Variants in MVB12B observed in about 807,000 individuals in gnomAD.
The protein encoded by MVB12B is ESCRT-I complex subunit MVB12B.
In MVB12B, 16 loss-of-function variants were observed where a neutral mutation model predicts 41.6. The ratio of observed to expected loss-of-function variants is 0.38; its 90% confidence interval spans 0.26 to 0.58. MVB12B has a LOEUF of 0.58. Among genes scored for constraint, MVB12B ranks in the 20% least tolerant of loss-of-function variants. MVB12B has a pLI of 0.62. For synonymous variants in MVB12B, 133 were observed against 139.7 expected (o/e 0.95, Z 0.34); for missense variants, 274 against 380.2 (o/e 0.72, Z 2.32).
At chr9:126,412,216 C>G (rs917006787) in intron 6 of MVB12B, among the ~76,000 whole-genome samples, 10 of 152,154 alleles carry the variant, frequency 6.6e-5, no homozygotes, top group African/African-American at 2.4e-4. Flanking sequence ...TTTATAAGAG[C>G]CTTTTTCTTC....
In MVB12B at chr9:126,459,268, C is replaced by A. The variant is rs890470445; in HGVS notation, c.758-22101C>A. Among the ~76,000 whole-genome samples the A allele has an allele frequency of 2.6e-5, 4 of 152,210 alleles. No individual in the cohort carries two copies. The highest frequency in any genetic ancestry group is 4.4e-5 in the Non-Finnish European group (3 of 68,038). On this transcript the variant is annotated intron_variant, in intron 7 of 9. Coordinates refer to ENST00000361171, the MANE Select transcript of MVB12B (RefSeq NM_033446.3). The surrounding 1 kb of genome is among the most constrained non-coding windows in gnomAD (Gnocchi z 4.3). ...CTGAGTGGTGCCAGTGCAGGCCTCC[C>A]CTTGACTGACACATGGCTCCCTTGC...
chr9:126,502,134 C>A (rs1488160029), intron 9 of MVB12B, among the ~76,000 whole-genome samples: 1 of 152,156 alleles, frequency 6.6e-6, no homozygotes, highest in African/African-American at 2.4e-5. Context: ...TGCTTGAAAA[C>A]CACTGATCTA....
intron 2 of MVB12B, among the ~76,000 whole-genome samples, chr9:126,372,280 A>C (rs1830362794): frequency 6.6e-6 from 1 of 152,210 alleles, no homozygotes; most frequent in African/African-American, 2.4e-5. Flanking sequence ...TCAGTTGATG[A>C]ATGTTTGGAT....
chr9:126,378,776 G>C (rs73668003), intron 2 of MVB12B, among the ~76,000 whole-genome samples: 1 of 151,982 alleles, frequency 6.6e-6, no homozygotes, highest in Admixed American at 6.6e-5. Context: ...TTAATGCTTC[G>C]CAGACAAGGA....
At chr9:126,441,574 A>G (rs2119139545) in intron 7 of MVB12B, among the ~76,000 whole-genome samples, 1 of 152,362 alleles carries the variant, frequency 6.6e-6, no homozygotes, top group African/African-American at 2.4e-5. Flanking sequence ...TTCTTAACCG[A>G]TAAGAAGCCA....
chr9:126,338,425 C>T (rs1020010665), intron 1 of MVB12B, among the ~76,000 whole-genome samples: 10 of 152,364 alleles, frequency 6.6e-5, no homozygotes, highest in African/African-American at 2.4e-4. Context: ...CATCATCGTA[C>T]CGGGGAGGAT....
intron 2 of MVB12B, among the ~76,000 whole-genome samples, chr9:126,354,555 AG>A (rs1829831569): frequency 6.6e-6 from 1 of 152,254 alleles, no homozygotes; most frequent in Non-Finnish European, 1.5e-5. Flanking sequence ...TACCACTGTA[AG>A]CGAGTGATCC....
intron 7 of MVB12B, among the ~76,000 whole-genome samples, chr9:126,454,417 T>G (rs76454096): frequency 3.5e-4 from 54 of 152,368 alleles, no homozygotes; most frequent in Admixed American, 3.1e-3. Flanking sequence ...TTGATTTTTT[T>G]GTTAATGGGA....
chr9:126,487,119 G>T (rs1486149676), intron 9 of MVB12B, among the ~76,000 whole-genome samples: 47 of 152,208 alleles, frequency 3.1e-4, no homozygotes, highest in Admixed American at 3.1e-3. Context: ...CGGAGTCAGT[G>T]CCTGGCTAGA....
Position 126,409,480 on chromosome 9 carries a change from T to TGGG in MVB12B, c.663-12374_663-12373insGGG, listed in dbSNP as rs372716929. ...TGCAGGATTTGTCATGAGAATTAAA[T>TGGG]TGGGGGGGGACACAGAAAGCACCAC... On this transcript the variant is annotated intron_variant, in intron 6 of 9. Coordinates refer to ENST00000361171, the MANE Select transcript of MVB12B (RefSeq NM_033446.3). Among the ~76,000 whole-genome samples, 101 of 30,862 alleles carry TGGG rather than the reference T, an allele frequency of 3.3e-3. 1 individual carries two copies. Among genetic ancestry groups the TGGG allele is most frequent in the Middle Eastern group, 0.031 (2 of 64 alleles). The allele number at this position is 30,862 out of a possible 152,430, so 20.2% of individuals were successfully genotyped here.
intron 6 of MVB12B, among the ~76,000 whole-genome samples, chr9:126,402,047 A>G (rs1210621105): frequency 6.6e-6 from 1 of 152,162 alleles, no homozygotes; most frequent in Non-Finnish European, 1.5e-5. Context: ...GTGTTTACCT[A>G]CCTGTTCAGA....
chr9:126,499,518 C>T (rs958105700), intron 9 of MVB12B, among the ~76,000 whole-genome samples: 1 of 152,152 alleles, frequency 6.6e-6, no homozygotes, highest in African/African-American at 2.4e-5. Context: ...TAAACAGATC[C>T]GGGTCCAAAT....
chr9:126,456,845 C>G (rs1472175631), intron 7 of MVB12B, among the ~76,000 whole-genome samples: 2 of 130,286 alleles, frequency 1.5e-5, no homozygotes, highest in Non-Finnish European at 3.2e-5. Context: ...CTGATAGCGC[C>G]CCTGTTTAAC....
chr9:126,372,869 A>G (rs537286501), intron 2 of MVB12B, among the ~76,000 whole-genome samples: 1 of 152,318 alleles, frequency 6.6e-6, no homozygotes, highest in Admixed American at 6.5e-5. Flanking sequence ...GATCATTTCA[A>G]CAAGACAGAT....
chr9:126,340,403 A>G lies in MVB12B; in HGVS notation c.82-105A>G, dbSNP rs1245155543. 1 of 1,332,176 alleles carries G rather than the reference A, an allele frequency of 7.5e-7. No individual in the cohort carries two copies. Among genetic ancestry groups the G allele is most frequent in the Non-Finnish European group, 1.1e-6 (1 of 948,378 alleles). The allele number at this position is 1,332,176 out of a possible 1,614,324, so 82.5% of individuals were successfully genotyped here. On this transcript the variant is annotated intron_variant, in intron 1 of 9. Transcript: ENST00000361171. The surrounding 1 kb of genome is among the most constrained non-coding windows in gnomAD (Gnocchi z 4.0). ...CATTCAACCAGTACAGGTATGTGAAACTCAGGGTATTTGCCCCAAGATTCT... is the reference window on the plus strand; with the variant it reads ...CATTCAACCAGTACAGGTATGTGAAGCTCAGGGTATTTGCCCCAAGATTCT...
At chr9:126,374,465 T>C (rs1830426191) in intron 2 of MVB12B, among the ~76,000 whole-genome samples, 1 of 152,214 alleles carries the variant, frequency 6.6e-6, no homozygotes, top group Non-Finnish European at 1.5e-5. Context: ...CTGTGACTGC[T>C]GCACAGTGGC....
At chr9:126,346,571 G>A (rs1016641593) in intron 2 of MVB12B, among the ~76,000 whole-genome samples, 6 of 152,126 alleles carry the variant, frequency 3.9e-5, no homozygotes, top group African/African-American at 1.4e-4. Context: ...CCCTGGGGCT[G>A]AAGGTCTGGA....
At chr9:126,456,235 C>G (rs1281448262) in intron 7 of MVB12B, among the ~76,000 whole-genome samples, 4 of 152,134 alleles carry the variant, frequency 2.6e-5, no homozygotes, top group Non-Finnish European at 4.4e-5. Context: ...GTAATTAGAC[C>G]TTAAATGTTT....
At chr9:126,408,867 T>C (rs1352376508) in intron 6 of MVB12B, among the ~76,000 whole-genome samples, 2 of 152,206 alleles carry the variant, frequency 1.3e-5, no homozygotes, top group African/African-American at 4.8e-5. Context: ...CTAAATGCTA[T>C]CATTGAGCCT....
Sources: gnomAD v4.1 joint callset for allele counts (sites outside exome capture counted in the v4.1 genomes callset) on GRCh38, gnomAD v4.1.1 for gene constraint, Gnocchi (gnomAD v3.1) non-coding constraint, MANE v1.5 for transcripts, NCBI Gene and HGNC (gene_info 2026-07-23, HGNC 2026-07-21) for gene names.